TRIP13: variants seen among roughly 807,000 people sequenced by gnomAD.
TRIP13 encodes pachytene checkpoint protein 2 homolog.
TRIP13 carries 25 observed loss-of-function variants against 54.4 expected under a neutral mutation model. The observed-to-expected ratio is 0.46, with a 90% confidence interval of 0.33 to 0.64. The LOEUF (loss-of-function observed/expected upper bound fraction) is 0.64. TRIP13 is among the 30% of genes least tolerant of loss of function. The pLI is 0.02. For synonymous variants in TRIP13, 207 were observed against 207.8 expected (o/e 1.00, Z 0.03); for missense variants, 373 against 534.2 (o/e 0.70, Z 2.97).
chr5:893,187 G>C, intron 1 of TRIP13, 97 bp downstream of exon 1: 1 of 1,226,300 alleles, frequency 8.2e-7, no homozygotes, highest in South Asian at 1.3e-5. Flanking sequence ...ATTCTGATGC[G>C]ACCGAACCCC....
At chr5:899,951 G>T (rs912138570) in intron 3 of TRIP13, among the ~76,000 whole-genome samples, 1 of 147,324 alleles carries the variant, frequency 6.8e-6, no homozygotes, top group Non-Finnish European at 1.5e-5. Flanking sequence ...GATTTGGATG[G>T]GCTCTAGCAG....
rs1419532344 is a variant in TRIP13 at position 901,219 on chromosome 5, G to A, written c.445-122G>A. The A allele has an allele frequency of 1.8e-5, 13 of 726,148 alleles. No individual in the cohort carries two copies. In the Admixed American group the frequency reaches 3.5e-4, roughly 20 times the overall value. The allele number at this position is 726,148 out of a possible 1,614,324, so 45.0% of individuals were successfully genotyped here. ...GTTTGGAGGTGATGATCTCTTAGGA[G>A]GCGGCCTCGCTCCCTGTGCTCCCTC... On this transcript the variant is annotated intron_variant, in intron 4 of 12. Coordinates refer to ENST00000166345, the MANE Select transcript of TRIP13 (RefSeq NM_004237.4).
rs1754360860 is a variant in TRIP13, at chr5:917,304, A to C, written c.*201A>C. On this transcript the variant is annotated 3_prime_UTR_variant, in exon 13 of 13. Coordinates refer to ENST00000166345, the MANE Select transcript of TRIP13 (RefSeq NM_004237.4). The stretch of plus-strand genomic sequence containing the variant: ...TGTTTTAAAATGCATACTGAGAGAC[A>C]AACATCTTGTCATTTTCACTGTTTG... 1 of 503,194 alleles carries C rather than the reference A, an allele frequency of 2.0e-6. No individual in the cohort carries two copies. The highest frequency in any genetic ancestry group is 3.5e-6 in the Non-Finnish European group (1 of 285,014). 31.2% of individuals were successfully genotyped at this position (503,194 alleles called of 1,614,324 possible).
rs60208703 is a variant in TRIP13 at position 914,720 on chromosome 5, C to CGTGTGT, written c.1133+159_1133+164dup. On this transcript the variant is annotated intron_variant, in intron 11 of 12. Transcript: ENST00000166345. ...ATAGGTATGAACATGCATGTACACA[C>CGTGTGT]GTGTGTGTGTGTGTGTGTGTGCATG... 9.1e-4 allele frequency: 544 copies of CGTGTGT among 597,168 alleles called. 1 individual carries two copies. Among genetic ancestry groups the CGTGTGT allele is most frequent in the African/African-American group, 8.2e-3 (434 of 52,984 alleles). The allele number at this position is 597,168 out of a possible 1,614,324, so 37.0% of individuals were successfully genotyped here. A position where few individuals can be genotyped will look rare whatever the true frequency, so the allele number is the denominator to read the frequency against.
At position 894,779 on chromosome 5, in the gene TRIP13, T is replaced by A; in HGVS notation, c.93-8T>A. On this transcript the variant is annotated splice_polypyrimidine_tract_variant and splice_region_variant and intron_variant, in intron 1 of 12. Coordinates refer to ENST00000166345, the MANE Select transcript of TRIP13 (RefSeq NM_004237.4). ...ATCATTTATGTGTGTTTTGGCTTCTTTTTTTAGCACTGCAAAGAAAGAAGA... is the reference window on the plus strand; with the variant it reads ...ATCATTTATGTGTGTTTTGGCTTCTATTTTTAGCACTGCAAAGAAAGAAGA... 6.3e-7 allele frequency: 1 copy of A among 1,588,910 alleles called. No homozygotes were observed.
At chr5:902,939 T>C (rs981032400) in intron 5 of TRIP13, among the ~76,000 whole-genome samples, 3 of 152,324 alleles carry the variant, frequency 2.0e-5, no homozygotes, top group East Asian at 1.9e-4. Context: ...CAGAGACTTT[T>C]AGTACTTTCA....
At chr5:903,646 G>A (rs1000526066) in intron 5 of TRIP13, among the ~76,000 whole-genome samples, 1 of 152,102 alleles carries the variant, frequency 6.6e-6, no homozygotes, top group African/African-American at 2.4e-5. Context: ...CTTCTAGTAT[G>A]GGGTATGAGC....
At chr5:916,211 T>A (rs1560951649) in intron 12 of TRIP13, among the ~76,000 whole-genome samples, 1 of 152,190 alleles carries the variant, frequency 6.6e-6, no homozygotes, top group Non-Finnish European at 1.5e-5. Context: ...TGCACACACA[T>A]GCACGTCTGC....
At chr5:896,018 A>G (rs965835084) in intron 2 of TRIP13, among the ~76,000 whole-genome samples, 1 of 152,246 alleles carries the variant, frequency 6.6e-6, no homozygotes, top group African/African-American at 2.4e-5. Context: ...GTAAAAAGAC[A>G]CAGTTAGGAA....
At position 907,940 on chromosome 5, in the gene TRIP13, G is replaced by T. The variant is rs753249614; in HGVS notation, c.673-48G>T. The T allele has an allele frequency of 6.3e-7, 1 of 1,592,832 alleles. No homozygotes were observed. Among genetic ancestry groups the T allele is most frequent in the Non-Finnish European group, 8.6e-7 (1 of 1,160,576 alleles). ...ACATCAGGGTCCCCCTGTGCACCTG[G>T]CAGTGTGGTCCCTGCACGTTGACAC... On this transcript the variant is annotated intron_variant, in intron 7 of 12. Transcript: ENST00000166345. The surrounding 1 kb of genome is among the most constrained non-coding windows in gnomAD (Gnocchi z 4.1).
chr5:904,375 T>C (rs1051950796), intron 6 of TRIP13, among the ~76,000 whole-genome samples, 155 bp downstream of exon 6: 2 of 152,180 alleles, frequency 1.3e-5, no homozygotes, highest in African/African-American at 4.8e-5. Context: ...TTTTGAGTTA[T>C]GATTTCAGTC....
chr5:910,318 GTC>G (rs1560949340), intron 9 of TRIP13, among the ~76,000 whole-genome samples: 1 of 152,132 alleles, frequency 6.6e-6, no homozygotes, highest in Non-Finnish European at 1.5e-5. Context: ...TGCTGCTGGC[GTC>G]TCTCCGCAGG....
At position 908,114 on chromosome 5, in the gene TRIP13, C is replaced by T; in HGVS notation, c.759+40C>T. 6.2e-7 allele frequency: 1 copy of T among 1,609,366 alleles called. No individual in the cohort carries two copies. The highest frequency in any genetic ancestry group is 1.3e-5 in the African/African-American group (1 of 74,914). On this transcript the variant is annotated intron_variant, in intron 8 of 12. Coordinates refer to ENST00000166345, the MANE Select transcript of TRIP13 (RefSeq NM_004237.4). The surrounding 1 kb of genome is among the most constrained non-coding windows in gnomAD (Gnocchi z 5.2). ...ATAAGGAAATTCATGACAGAATCGC[C>T]TTTTGCCATTGTGGGGACACAGCCT...
Position 913,236 on chromosome 5 carries a change from A to G in TRIP13, c.1021-1229A>G, listed in dbSNP as rs1482075187. ...CTCACGCACCTTCAGTGTGGGTTCCAGCCCTCGCAGTGTGACGTTTATACA... is the reference window on the plus strand; with the variant it reads ...CTCACGCACCTTCAGTGTGGGTTCCGGCCCTCGCAGTGTGACGTTTATACA... On this transcript the variant is annotated intron_variant, in intron 10 of 12. Coordinates refer to ENST00000166345, the MANE Select transcript of TRIP13 (RefSeq NM_004237.4). The surrounding 1 kb of genome is among the most constrained non-coding windows in gnomAD (Gnocchi z 4.5). 1.3e-5 allele frequency among the ~76,000 whole-genome samples: 2 copies of G among 152,228 alleles called. No homozygotes were observed. The highest frequency in any genetic ancestry group is 4.8e-5 in the African/African-American group (2 of 41,452).
At chr5:906,416 T>C (rs1284168155) in intron 6 of TRIP13, among the ~76,000 whole-genome samples, 2 of 152,242 alleles carry the variant, frequency 1.3e-5, no homozygotes, top group Non-Finnish European at 2.9e-5. Context: ...GTCTATATTT[T>C]GTTAGATTGT....
chr5:916,167 G>A (rs554765879), intron 12 of TRIP13, among the ~76,000 whole-genome samples, 194 bp downstream of exon 12: 3 of 152,308 alleles, frequency 2.0e-5, no homozygotes, highest in East Asian at 1.9e-4. Flanking sequence ...GGGAGGAGGC[G>A]GCTGTGCCAC....
In TRIP13 at chr5:908,659, G is replaced by A. The variant is rs569701582; in HGVS notation, c.866+198G>A. ...TTTTTAAAGAAATTGTTTTTAGTGTGTTAAAAATGTAATAGAAGGCCAGGC... is the reference window on the plus strand; with the variant it reads ...TTTTTAAAGAAATTGTTTTTAGTGTATTAAAAATGTAATAGAAGGCCAGGC... On this transcript the variant is annotated intron_variant, in intron 9 of 12. Coordinates refer to ENST00000166345, the MANE Select transcript of TRIP13 (RefSeq NM_004237.4). This position sits in a 1 kb window ranked among gnomAD's most constrained non-coding sequence, Gnocchi z 5.2. The A allele has an allele frequency of 1.5e-4, 206 of 1,403,392 alleles. 2 individuals are homozygous for A. In the South Asian group the frequency reaches 2.9e-3, roughly 20 times the overall value. The allele number at this position is 1,403,392 out of a possible 1,614,324, so 86.9% of individuals were successfully genotyped here.
At chr5:905,444 C>G (rs1349745261) in intron 6 of TRIP13, among the ~76,000 whole-genome samples, 2 of 152,214 alleles carry the variant, frequency 1.3e-5, no homozygotes, top group African/African-American at 4.8e-5. Flanking sequence ...ATATTTCCTT[C>G]CCCTCTGGAA....
chr5:914,663 G>A, intron 11 of TRIP13, 86 bp downstream of exon 11: 2 of 1,090,336 alleles, frequency 1.8e-6, no homozygotes, highest in Middle Eastern at 2.0e-4. Context: ...AGGAGACCAG[G>A]GAGGGCCCTG....
Sources: allele counts gnomAD v4.1 joint callset (sites outside exome capture counted in the v4.1 genomes callset), GRCh38; gene constraint gnomAD v4.1.1; non-coding constraint Gnocchi (gnomAD v3.1); transcripts MANE v1.5; gene names NCBI Gene and HGNC (gene_info 2026-07-23, HGNC 2026-07-21).